The following TAFA5 variants were observed in gnomAD, a reference collection of about 807,000 sequenced individuals.
The protein encoded by TAFA5 is chemokine-like protein TAFA-5.
TAFA5 carries 6 observed loss-of-function variants against 15.3 expected under a neutral mutation model. That is an observed-to-expected ratio of 0.39 (90% CI 0.21 to 0.77). The LOEUF is 0.77. Ranked by LOEUF, TAFA5 falls within the 30% of genes least tolerant of loss-of-function variation. The pLI is 0.41. For missense variants in TAFA5, 161 were observed against 193.1 expected (o/e 0.83, Z 0.98); for synonymous variants, 103 against 80.7 (o/e 1.28, Z -1.48).
intron 2 of TAFA5, among the ~76,000 whole-genome samples, chr22:48,703,766 GCCTGCCCTGCAGGCAGGTCAGGA>G (rs1310630777): frequency 3.3e-5 from 5 of 152,240 alleles, no homozygotes; most frequent in African/African-American, 7.2e-5. Flanking sequence ...CCCTCTCACA[GCCTGCCCTGCAGGCAGGTCAGGA>G]CCTGCCCTCG....
At chr22:48,509,814 A>G (rs1011943121) in intron 1 of TAFA5, among the ~76,000 whole-genome samples, 1 of 151,938 alleles carries the variant, frequency 6.6e-6, no homozygotes, top group South Asian at 2.1e-4. Flanking sequence ...AGCCGGGCAC[A>G]GTGGCGGGCG....
intron 3 of TAFA5, among the ~76,000 whole-genome samples, chr22:48,727,769 T>G (rs1200841178): frequency 6.6e-6 from 1 of 152,142 alleles, no homozygotes; most frequent in African/African-American, 2.4e-5. Context: ...GCAAATGCAT[T>G]TGAAAGGAAA....
chr22:48,535,092 G>A (rs1240853856), intron 1 of TAFA5, among the ~76,000 whole-genome samples: 3 of 152,122 alleles, frequency 2.0e-5, no homozygotes, highest in African/African-American at 4.8e-5. Flanking sequence ...CTGGGCCCTG[G>A]GGCCTCTCAC....
At chr22:48,546,592 C>G (rs1056122913) in intron 1 of TAFA5, 2 of 471,196 alleles carry the variant, frequency 4.2e-6, no homozygotes, top group East Asian at 6.9e-5. Flanking sequence ...ATCCAGCGAG[C>G]TTTGGGGAAT....
intron 1 of TAFA5, chr22:48,576,272 CCT>C: frequency 1.6e-5 from 13 of 796,160 alleles, no homozygotes; most frequent in Non-Finnish European, 2.2e-5. Context: ...GCGGCGCCCC[CCT>C]CCCCCCGCCC....
intron 1 of TAFA5, among the ~76,000 whole-genome samples, chr22:48,565,805 T>G (rs1163365326): frequency 6.6e-6 from 1 of 152,232 alleles, no homozygotes; most frequent in African/African-American, 2.4e-5. Context: ...CTGGGTTTTA[T>G]TCTCTCCTGA....
chr22:48,705,687 G>A (rs1355897997), intron 2 of TAFA5, among the ~76,000 whole-genome samples: 1 of 152,266 alleles, frequency 6.6e-6, no homozygotes, highest in Non-Finnish European at 1.5e-5. Context: ...CGTTGTCCAA[G>A]CGGTGGCCCT....
At chr22:48,515,135 C>T (rs1393993643) in intron 1 of TAFA5, among the ~76,000 whole-genome samples, 1 of 151,492 alleles carries the variant, frequency 6.6e-6, no homozygotes, top group Non-Finnish European at 1.5e-5. Context: ...AGGAATCGTT[C>T]CATGGAAAGG....
intron 3 of TAFA5, among the ~76,000 whole-genome samples, chr22:48,737,009 C>T (rs1333109127): frequency 6.6e-6 from 1 of 152,204 alleles, no homozygotes; most frequent in Non-Finnish European, 1.5e-5. Flanking sequence ...TAGGCATAGC[C>T]TGGTATTTGA....
chr22:48,681,560 A>G (rs1297888495), intron 2 of TAFA5, among the ~76,000 whole-genome samples: 2 of 150,398 alleles, frequency 1.3e-5, no homozygotes, highest in African/African-American at 2.4e-5. Flanking sequence ...CTGAGGCAGG[A>G]GAATTGCTTG....
chr22:48,743,591 G>A, intron 3 of TAFA5, among the ~76,000 whole-genome samples: 1 of 152,220 alleles, frequency 6.6e-6, no homozygotes, highest in African/African-American at 2.4e-5. Context: ...TCATTCCTGA[G>A]CTCATGGAGG....
intron 1 of TAFA5, among the ~76,000 whole-genome samples, chr22:48,559,268 A>G (rs938405441): frequency 2.0e-5 from 3 of 152,194 alleles, no homozygotes; most frequent in Admixed American, 6.5e-5. Context: ...TTTGGGACCC[A>G]TGGCGGTCGG....
At chr22:48,628,879 T>C (rs1045986912) in intron 1 of TAFA5, among the ~76,000 whole-genome samples, 3 of 152,152 alleles carry the variant, frequency 2.0e-5, no homozygotes, top group Non-Finnish European at 4.4e-5. Flanking sequence ...AGGTGTCAAG[T>C]TAATTAGGAG....
chr22:48,623,179 A>C (rs190646043), intron 1 of TAFA5, among the ~76,000 whole-genome samples: 1 of 152,108 alleles, frequency 6.6e-6, no homozygotes, highest in African/African-American at 2.4e-5. Context: ...ATGGATGAGC[A>C]TGGTTTCGCC....
intron 1 of TAFA5, among the ~76,000 whole-genome samples, chr22:48,605,393 A>G (rs993915054): frequency 1.4e-5 from 2 of 142,100 alleles, no homozygotes; most frequent in African/African-American, 2.6e-5. Context: ...CATGGTGGTA[A>G]TGGTAATGAT....
intron 2 of TAFA5, among the ~76,000 whole-genome samples, chr22:48,666,282 C>T (rs1372023179): frequency 2.6e-5 from 4 of 152,170 alleles, no homozygotes; most frequent in East Asian, 1.9e-4. Flanking sequence ...GAGAAATGAG[C>T]CATGGGGCTT....
At chr22:48,491,056 C>A (rs1928135271) in intron 1 of TAFA5, among the ~76,000 whole-genome samples, 1 of 152,154 alleles carries the variant, frequency 6.6e-6, no homozygotes, top group South Asian at 2.1e-4. Flanking sequence ...GCTGTGGCAC[C>A]GAGCGGGGAG....
In TAFA5 at chr22:48,640,302, C is replaced by T. The variant is rs113348294; in HGVS notation, c.113-6295C>T. On this transcript the variant is annotated intron_variant, in intron 1 of 3. Coordinates refer to ENST00000402357, the MANE Select transcript of TAFA5 (RefSeq NM_001082967.3). ...ACGCTGCGTGGGAGCTCAGAGCTGG[C>T]GTCTGAGTGGGCATGGGGGCATGCC... Among the ~76,000 whole-genome samples the T allele has an allele frequency of 6.2e-3, 946 of 152,234 alleles. 11 individuals carry two copies. The highest frequency in any genetic ancestry group is 0.022 in the African/African-American group (899 of 41,554).
At chr22:48,716,625 T>C (rs1035438855) in intron 3 of TAFA5, among the ~76,000 whole-genome samples, 1 of 152,196 alleles carries the variant, frequency 6.6e-6, no homozygotes, top group African/African-American at 2.4e-5. Context: ...CCGTGGCACA[T>C]GTGTACCTAT....
Sources: gnomAD v4.1 joint callset for allele counts (sites outside exome capture counted in the v4.1 genomes callset) on GRCh38, gnomAD v4.1.1 for gene constraint, MANE v1.5 for transcripts, NCBI Gene and HGNC (gene_info 2026-07-23, HGNC 2026-07-21) for gene names.